The following N4BP2L2 variants were observed in gnomAD, a reference collection of about 807,000 sequenced individuals.
N4BP2L2 encodes the protein NEDD4 binding protein 2 like 2.
Under a neutral mutation model 56.2 loss-of-function variants are expected in N4BP2L2, and 50 were observed. That is an observed-to-expected ratio of 0.89 (90% CI 0.71 to 1.13). The LOEUF is 1.13. Among genes scored for constraint, N4BP2L2 ranks in the 50% most tolerant of loss-of-function variants. The probability of loss-of-function intolerance (pLI) is 0.00; values close to 1 mark genes in which losing one functional copy is unlikely to be tolerated. For missense variants in N4BP2L2, 689 were observed against 693.8 expected, an observed-to-expected ratio of 0.99 and a Z score of 0.08; for synonymous variants, 203 against 223.6, an observed-to-expected ratio of 0.91 and a Z score of 0.82.
intron 6 of N4BP2L2, among the ~76,000 whole-genome samples, chr13:32,502,783 T>C (rs1292098588): frequency 6.6e-6 from 1 of 152,190 alleles, no homozygotes; most frequent in African/African-American, 2.4e-5. Flanking sequence ...AGAACTCCAT[T>C]GCTCCGTGAA....
At chr13:32,526,843 T>TTTTTTTTTTTTTTTTTTTTTTTTC (rs2053101075) in intron 3 of N4BP2L2, 1 of 143,148 alleles carries the variant, frequency 7.0e-6, no homozygotes, top group South Asian at 2.2e-4. Flanking sequence ...TTTTTTTTTT[T>TTTTTTTTTTTTTTTTTTTTTTTTC]TTTGCTTTTT....
intron 5 of N4BP2L2, among the ~76,000 whole-genome samples, chr13:32,520,345 G>C (rs2050470047): frequency 6.9e-6 from 1 of 145,660 alleles, no homozygotes; most frequent in Admixed American, 7.0e-5. Flanking sequence ...GGACGAGGAA[G>C]ACGATAAAAG....
rs375659266 is a variant in N4BP2L2, at chr13:32,440,292, A to G, written c.2105-1555T>C. Among the ~76,000 whole-genome samples, 48 of 152,276 alleles carry G rather than the reference A, an allele frequency of 3.2e-4. No homozygotes were observed. The South Asian group carries it at 9.5e-3, about 30-fold the overall frequency. Reference sequence around the variant, plus strand: ...AAATGGGTCCCCAAGGAACGCTGAGAGGTATAGAACAACAGAAGATACAGG... The same window carrying G: ...AAATGGGTCCCCAAGGAACGCTGAGGGGTATAGAACAACAGAAGATACAGG... On this transcript the variant is annotated intron_variant, in intron 7 of 9. Coordinates refer to the N4BP2L2 transcript ENST00000357505.
intron 9 of N4BP2L2, among the ~76,000 whole-genome samples, chr13:32,433,566 G>A (rs1358565990): frequency 6.6e-6 from 1 of 151,914 alleles, no homozygotes; most frequent in Non-Finnish European, 1.5e-5. Flanking sequence ...CTGGGAGGTG[G>A]AGGTTGCAGT....
At position 32,491,643 on chromosome 13, in the gene N4BP2L2, T is replaced by A. The variant is rs1220980928; in HGVS notation, c.365+26214A>T. Among the ~76,000 whole-genome samples, 1,361 of 146,804 alleles carry A rather than the reference T, an allele frequency of 9.3e-3. 26 individuals carry two copies. The highest frequency in any genetic ancestry group is 0.032 in the African/African-American group (1,306 of 40,490). ...ATTATATATATATATATATTTTTTT[T>A]TTTTTTGAGACGGAGTCTAACTATG... On this transcript the variant is annotated intron_variant, in intron 6 of 9. Transcript: ENST00000357505.
intron 6 of N4BP2L2, among the ~76,000 whole-genome samples, chr13:32,491,584 T>C (rs1303687070): frequency 6.8e-6 from 1 of 146,924 alleles, no homozygotes; most frequent in African/African-American, 2.5e-5. Context: ...TATATATAAA[T>C]TATATATACT....
intron 2 of N4BP2L2, among the ~76,000 whole-genome samples, chr13:32,530,801 T>C (rs949927731): frequency 6.6e-6 from 1 of 151,504 alleles, no homozygotes; most frequent in Non-Finnish European, 1.5e-5. Context: ...CCTTGCATCC[T>C]CTTATCCTGC....
At chr13:32,441,236 T>C (rs2076283245) in intron 7 of N4BP2L2, among the ~76,000 whole-genome samples, 2 of 152,198 alleles carry the variant, frequency 1.3e-5, no homozygotes, top group African/African-American at 4.8e-5. Flanking sequence ...AGTATCCTTT[T>C]CAGACTGCCT....
intron 5 of N4BP2L2, among the ~76,000 whole-genome samples, chr13:32,520,574 G>A (rs2050570278): frequency 6.6e-6 from 1 of 151,718 alleles, no homozygotes; most frequent in African/African-American, 2.4e-5. Context: ...CAGGAGAATG[G>A]CATGAACCTG....
chr13:32,460,584 C>A (rs950445878), intron 6 of N4BP2L2, among the ~76,000 whole-genome samples: 1 of 151,852 alleles, frequency 6.6e-6, no homozygotes, highest in African/African-American at 2.4e-5. Flanking sequence ...GAAGATAACA[C>A]ATACACACAA....
intron 6 of N4BP2L2, among the ~76,000 whole-genome samples, chr13:32,444,509 C>T (rs1490741813): frequency 3.3e-5 from 5 of 152,150 alleles, no homozygotes; most frequent in South Asian, 2.1e-4. Flanking sequence ...TCAGGTGATC[C>T]GCCTGCCTCA....
chr13:32,477,595 T>C, intron 6 of N4BP2L2: 1 of 297,284 alleles, frequency 3.4e-6, no homozygotes, highest in South Asian at 3.4e-5. Context: ...GATTGTTATA[T>C]AGCAACGCCT....
intron 6 of N4BP2L2, among the ~76,000 whole-genome samples, chr13:32,452,343 G>A (rs959532236): frequency 6.6e-6 from 1 of 152,180 alleles, no homozygotes; most frequent in East Asian, 1.9e-4. Flanking sequence ...ATACAGGCGT[G>A]AGCCACTGCG....
chr13:32,481,352 A>T (rs940789630), intron 6 of N4BP2L2, among the ~76,000 whole-genome samples: 1 of 151,960 alleles, frequency 6.6e-6, no homozygotes, highest in Non-Finnish European at 1.5e-5. Context: ...TGGCTCCTAA[A>T]CTCTTCTGTG....
intron 6 of N4BP2L2, among the ~76,000 whole-genome samples, chr13:32,467,529 C>T (rs982300037): frequency 7.3e-5 from 11 of 150,946 alleles, no homozygotes; most frequent in Non-Finnish European, 1.0e-4. Context: ...CTGCCTGCCT[C>T]GGCCTCCCAA....
intron 2 of N4BP2L2, among the ~76,000 whole-genome samples, chr13:32,530,804 T>C (rs1220940833): frequency 6.6e-6 from 1 of 151,736 alleles, no homozygotes. Flanking sequence ...TGCATCCTCT[T>C]ATCCTGCAGT....
At chr13:32,441,817 G>C (rs1456625596) in intron 7 of N4BP2L2, among the ~76,000 whole-genome samples, 1 of 149,990 alleles carries the variant, frequency 6.7e-6, no homozygotes. Flanking sequence ...GCCGAGGCGG[G>C]CGGATCACGA....
chr13:32,471,843 G>A (rs576841015), intron 6 of N4BP2L2, among the ~76,000 whole-genome samples: 103 of 152,268 alleles, frequency 6.8e-4, no homozygotes, highest in Non-Finnish European at 2.1e-4. Flanking sequence ...GCTATTTGTC[G>A]CCCATCCACC....
At chr13:32,459,347 G>C (rs1199655012) in intron 6 of N4BP2L2, among the ~76,000 whole-genome samples, 2 of 151,900 alleles carry the variant, frequency 1.3e-5, no homozygotes, top group Non-Finnish European at 2.9e-5. Context: ...GAAACAAAAA[G>C]TGTTTTTTTT....
Sources: allele counts gnomAD v4.1 joint callset (sites outside exome capture counted in the v4.1 genomes callset), GRCh38; gene constraint gnomAD v4.1.1; transcripts MANE v1.5; gene names NCBI Gene and HGNC (gene_info 2026-07-23, HGNC 2026-07-21).